Variants in EPHA5 observed in about 807,000 individuals in gnomAD.
EPHA5 encodes the protein EPH receptor A5.
Under a neutral mutation model 105.0 loss-of-function variants are expected in EPHA5, and 60 were observed. The ratio of observed to expected loss-of-function variants is 0.57; its 90% CI spans 0.46 to 0.71. The LOEUF (loss-of-function observed/expected upper bound fraction) is 0.71. Ranked by LOEUF, EPHA5 falls within the 30% of genes least tolerant of loss-of-function variation. EPHA5 has a pLI of 0.00. For synonymous variants in EPHA5, 513 were observed against 449.1 expected, an observed-to-expected ratio of 1.14 and a Z score of -1.80; for missense variants, 1,218 against 1,274.7, an observed-to-expected ratio of 0.96 and a Z score of 0.68.
intron 8 of EPHA5, among the ~76,000 whole-genome samples, chr4:65,391,313 AG>A: frequency 6.6e-6 from 1 of 152,264 alleles, no homozygotes; most frequent in Non-Finnish European, 1.5e-5. Context: ...CAGTATACAA[AG>A]TCAGTCCTTC....
At chr4:65,594,142 A>G (rs1212695520) in intron 3 of EPHA5, among the ~76,000 whole-genome samples, 1 of 152,166 alleles carries the variant, frequency 6.6e-6, no homozygotes, top group Non-Finnish European at 1.5e-5. Context: ...TGGAACATTT[A>G]AATGTTGTGA....
chr4:65,509,073 G>C (rs1346723013), intron 3 of EPHA5, among the ~76,000 whole-genome samples: 1 of 152,056 alleles, frequency 6.6e-6, no homozygotes, highest in African/African-American at 2.4e-5. Flanking sequence ...GGCTAATGAA[G>C]TTCATTTGGT....
chr4:65,467,723 A>T (rs1728854400), intron 5 of EPHA5, among the ~76,000 whole-genome samples: 1 of 152,232 alleles, frequency 6.6e-6, no homozygotes, highest in African/African-American at 2.4e-5. Flanking sequence ...CTGGATATGT[A>T]ACATTACATG....
chr4:65,582,487 A>G (rs1741725141), intron 3 of EPHA5, among the ~76,000 whole-genome samples: 1 of 151,424 alleles, frequency 6.6e-6, no homozygotes. Context: ...AAAAAAAAAA[A>G]AGAAAATCCA....
intron 3 of EPHA5, among the ~76,000 whole-genome samples, chr4:65,596,949 A>G (rs1426897824): frequency 6.6e-6 from 1 of 152,126 alleles, no homozygotes; most frequent in South Asian, 2.1e-4. Context: ...TTTTGCTTCA[A>G]TCATAAATAT....
intron 3 of EPHA5, among the ~76,000 whole-genome samples, chr4:65,556,280 A>G (rs1456512289): frequency 6.6e-6 from 1 of 152,130 alleles, no homozygotes; most frequent in Non-Finnish European, 1.5e-5. Context: ...TGATGTCAAT[A>G]AAATGTTGTT....
chr4:65,465,780 G>A (rs1225263170), intron 5 of EPHA5, among the ~76,000 whole-genome samples: 1 of 152,116 alleles, frequency 6.6e-6, no homozygotes, highest in Non-Finnish European at 1.5e-5. Flanking sequence ...CTCCATAAAA[G>A]AGCAAAATAT....
chr4:65,434,076 A>T (rs1725253607), intron 5 of EPHA5, among the ~76,000 whole-genome samples: 2 of 152,038 alleles, frequency 1.3e-5, no homozygotes, highest in South Asian at 4.1e-4. Flanking sequence ...AAAATTAAAA[A>T]ATAGCACTTT....
At chr4:65,444,847 T>G (rs1217680551) in intron 5 of EPHA5, among the ~76,000 whole-genome samples, 2 of 152,038 alleles carry the variant, frequency 1.3e-5, no homozygotes, top group African/African-American at 4.8e-5. Context: ...CCTCAAAAAC[T>G]TAAATTCTTT....
intron 3 of EPHA5, among the ~76,000 whole-genome samples, chr4:65,583,851 A>T (rs1741875789): frequency 1.3e-5 from 2 of 151,778 alleles, no homozygotes; most frequent in African/African-American, 4.8e-5. Flanking sequence ...AAATGTATAC[A>T]TAAAATAGGT....
At chr4:65,526,882 A>G (rs968794656) in intron 3 of EPHA5, among the ~76,000 whole-genome samples, 6 of 151,998 alleles carry the variant, frequency 3.9e-5, no homozygotes, top group African/African-American at 1.4e-4. Flanking sequence ...AATTGATCTT[A>G]GTGATAAATT....
chr4:65,442,959 T>A (rs916644708), intron 5 of EPHA5, among the ~76,000 whole-genome samples: 2 of 152,218 alleles, frequency 1.3e-5, no homozygotes, highest in African/African-American at 4.8e-5. Flanking sequence ...CAGATCATGA[T>A]CATTTATACA....
At chr4:65,511,262 G>C (rs905589593) in intron 3 of EPHA5, among the ~76,000 whole-genome samples, 5 of 152,082 alleles carry the variant, frequency 3.3e-5, no homozygotes, top group Admixed American at 1.3e-4. Context: ...TGTTTGGTAT[G>C]GTATCAACTA....
chr4:65,346,906 A>G (rs1456605098), intron 14 of EPHA5, among the ~76,000 whole-genome samples: 1 of 152,184 alleles, frequency 6.6e-6, no homozygotes, highest in Non-Finnish European at 1.5e-5. Flanking sequence ...GAATCCTGAT[A>G]TAGACTTTGG....
intron 5 of EPHA5, among the ~76,000 whole-genome samples, chr4:65,466,690 G>T (rs953686801): frequency 1.1e-4 from 16 of 152,292 alleles, no homozygotes; most frequent in Admixed American, 9.8e-4. Flanking sequence ...AGAATAGTTA[G>T]AATTCACTGG....
chr4:65,439,674 T>G (rs748243450), intron 5 of EPHA5, among the ~76,000 whole-genome samples: 5 of 152,150 alleles, frequency 3.3e-5, no homozygotes, highest in Non-Finnish European at 5.9e-5. Context: ...ATTTGTCTTC[T>G]TAGGAGTTTG....
At chr4:65,659,429 C>T (rs1749368618) in intron 1 of EPHA5, among the ~76,000 whole-genome samples, 1 of 150,136 alleles carries the variant, frequency 6.7e-6, no homozygotes, top group South Asian at 2.1e-4. Flanking sequence ...TCCCCTTGTG[C>T]CAGTGGGGAT....
intron 3 of EPHA5, among the ~76,000 whole-genome samples, chr4:65,597,043 A>G (rs1424555121): frequency 6.6e-6 from 1 of 152,086 alleles, no homozygotes; most frequent in African/African-American, 2.4e-5. Flanking sequence ...TGAATTGGGT[A>G]TTTTCACTAC....
intron 3 of EPHA5, among the ~76,000 whole-genome samples, chr4:65,536,161 C>T (rs1238255341): frequency 1.3e-5 from 2 of 151,782 alleles, no homozygotes; most frequent in East Asian, 1.9e-4. Flanking sequence ...TAATATACTT[C>T]CTATTACTTT....
Sources: gnomAD v4.1 joint callset for allele counts (sites outside exome capture counted in the v4.1 genomes callset) on GRCh38, gnomAD v4.1.1 for gene constraint, MANE v1.5 for transcripts, NCBI Gene and HGNC (gene_info 2026-07-23, HGNC 2026-07-21) for gene names.